The following CENPP variants were observed in gnomAD, a reference collection of about 807,000 sequenced individuals.
CENPP encodes centromere protein P.
In CENPP, 24 loss-of-function variants were observed where a neutral mutation model predicts 35.6. The ratio of observed to expected loss-of-function variants is 0.67; its 90% CI spans 0.49 to 0.95. The LOEUF (loss-of-function observed/expected upper bound fraction) is 0.95. CENPP is among the 40% of genes least tolerant of loss of function. The pLI, the probability that CENPP is intolerant of heterozygous loss-of-function variation, is 0.00. For synonymous variants in CENPP, 120 were observed against 125.5 expected, an observed-to-expected ratio of 0.96 and a Z score of 0.29; for missense variants, 332 against 345.3, an observed-to-expected ratio of 0.96 and a Z score of 0.31.
chr9:92,578,191 G>A (rs1000954000), intron 5 of CENPP, among the ~76,000 whole-genome samples: 2 of 151,928 alleles, frequency 1.3e-5, no homozygotes, highest in African/African-American at 2.4e-5. Context: ...TCTTAATCCA[G>A]TCTATCATTG....
intron 5 of CENPP, chr9:92,459,668 T>G: frequency 6.2e-7 from 1 of 1,613,280 alleles, no homozygotes; most frequent in Non-Finnish European, 8.5e-7. Flanking sequence ...CTGAAGGGAT[T>G]TTTTTTAGTT....
At chr9:92,400,862 C>A (rs1310062592) in intron 5 of CENPP, among the ~76,000 whole-genome samples, 1 of 152,188 alleles carries the variant, frequency 6.6e-6, no homozygotes, top group African/African-American at 2.4e-5. Flanking sequence ...TTTGTGGAGG[C>A]TAAGCTTGCC....
intron 5 of CENPP, among the ~76,000 whole-genome samples, chr9:92,542,398 A>G (rs934776730): frequency 2.0e-5 from 3 of 151,806 alleles, no homozygotes; most frequent in Non-Finnish European, 4.4e-5. Flanking sequence ...ATTTGATGTA[A>G]TCTCATTTGT....
chr9:92,619,714 GC>G lies in CENPP; in HGVS notation c.*6566del. ...GGAGCGAGGGCCACGGTGAGCACGG[GC>G]GTCAGGAGGTCGCCCTGTGAGAGCA... On this transcript the variant is annotated 3_prime_UTR_variant, in exon 8 of 8. Coordinates refer to ENST00000375587, the MANE Select transcript of CENPP (RefSeq NM_001012267.3). The G allele has an allele frequency of 1.4e-6, 1 of 700,196 alleles. No homozygotes were observed. Among genetic ancestry groups the G allele is most frequent in the Non-Finnish European group, 2.5e-6 (1 of 404,410 alleles). The allele number at this position is 700,196 out of a possible 1,614,324, so 43.4% of individuals were successfully genotyped here.
chr9:92,612,740 T>TATCA (rs1477359911), intron 7 of CENPP, 126 bp downstream of exon 7: 1 of 736,620 alleles, frequency 1.4e-6, no homozygotes, highest in Non-Finnish European at 2.3e-6. Flanking sequence ...GTACTTTGTC[T>TATCA]ATCAATTTTT....
chr9:92,445,786 A>T (rs562171035), intron 5 of CENPP, among the ~76,000 whole-genome samples: 1 of 152,022 alleles, frequency 6.6e-6, no homozygotes, highest in African/African-American at 2.4e-5. Flanking sequence ...TGAGAGGCTG[A>T]GCAGGAGAAT....
intron 4 of CENPP, among the ~76,000 whole-genome samples, chr9:92,366,177 C>CAAAAAAAAAAAAAAAAAAAAAAAAAAAA (rs79052877): frequency 1.9e-5 from 1 of 52,070 alleles, no homozygotes; most frequent in African/African-American, 7.2e-5. Context: ...GACTCCGTCT[C>CAAAAAAAAAAAAAAAAAAAAAAAAAAAA]AAAAAAAAAA....
At chr9:92,579,274 G>A (rs1347765013) in intron 5 of CENPP, among the ~76,000 whole-genome samples, 1 of 149,880 alleles carries the variant, frequency 6.7e-6, no homozygotes, top group Non-Finnish European at 1.5e-5. Context: ...GGATTGACTT[G>A]GCGATGAGGG....
intron 5 of CENPP, among the ~76,000 whole-genome samples, chr9:92,439,158 T>C (rs1385964577): frequency 6.6e-6 from 1 of 152,160 alleles, no homozygotes; most frequent in Non-Finnish European, 1.5e-5. Context: ...TTTTATTAGA[T>C]CGTGTGTTAT....
intron 5 of CENPP, chr9:92,514,784 G>A: frequency 6.2e-7 from 1 of 1,613,970 alleles, no homozygotes; most frequent in Non-Finnish European, 8.5e-7. Context: ...GATCGAGAGG[G>A]CATTCGGAAC....
At chr9:92,598,026 C>A (rs533085849) in intron 5 of CENPP, among the ~76,000 whole-genome samples, 1 of 152,314 alleles carries the variant, frequency 6.6e-6, no homozygotes, top group Admixed American at 6.5e-5. Flanking sequence ...TTTTAGGATT[C>A]CCATATCCGT....
chr9:92,390,474 T>C lies in CENPP; in HGVS notation c.564+10615T>C, dbSNP rs1842625943. On this transcript the variant is annotated intron_variant, in intron 5 of 7. Transcript: ENST00000375587. ...TGATTCTGAGTATGTTATCTTAATC[T>C]TAATCTCTCTATGCCTTATCGCTTA... 2.0e-5 allele frequency among the ~76,000 whole-genome samples: 3 copies of C among 152,196 alleles called. No individual in the cohort carries two copies. The South Asian group carries it at 6.2e-4, about 32-fold the overall frequency.
At chr9:92,402,208 C>A (rs1360177345) in intron 5 of CENPP, among the ~76,000 whole-genome samples, 2 of 151,922 alleles carry the variant, frequency 1.3e-5, no homozygotes, top group African/African-American at 4.8e-5. Context: ...TAACTTGAAG[C>A]TATAATTAGT....
In CENPP at chr9:92,375,539, G is replaced by A. The variant is rs541958305; in HGVS notation, c.468-4224G>A. 5.2e-4 allele frequency among the ~76,000 whole-genome samples: 79 copies of A among 151,680 alleles called. 1 individual carries two copies. The Middle Eastern group carries it at 0.014, about 26-fold the overall frequency. ...TCTCAAACTCCTGACCTTGAGATCCGCCCACCTCGGCCTCCCAAAGTGCTG... is the reference window on the plus strand; with the variant it reads ...TCTCAAACTCCTGACCTTGAGATCCACCCACCTCGGCCTCCCAAAGTGCTG... On this transcript the variant is annotated intron_variant, in intron 4 of 7. Coordinates refer to ENST00000375587, the MANE Select transcript of CENPP (RefSeq NM_001012267.3).
At chr9:92,470,798 C>T (rs1564339367) in intron 5 of CENPP, 2 of 1,375,682 alleles carry the variant, frequency 1.5e-6, no homozygotes, top group Non-Finnish European at 2.0e-6. Flanking sequence ...AAGAAACAAA[C>T]ATATTATATA....
At chr9:92,603,596 C>T (rs1468219263) in intron 5 of CENPP, among the ~76,000 whole-genome samples, 1 of 152,126 alleles carries the variant, frequency 6.6e-6, no homozygotes, top group East Asian at 1.9e-4. Flanking sequence ...CTGTGCACTT[C>T]CCCACCTTCC....
At chr9:92,473,037 A>G (rs1322058965) in intron 5 of CENPP, among the ~76,000 whole-genome samples, 1 of 152,192 alleles carries the variant, frequency 6.6e-6, no homozygotes, top group African/African-American at 2.4e-5. Context: ...GTGCAGCAGC[A>G]TGCTGATGGC....
chr9:92,536,713 T>C (rs1270236300), intron 5 of CENPP: 1 of 152,170 alleles, frequency 6.6e-6, no homozygotes, highest in Non-Finnish European at 1.5e-5. Context: ...ATGAGGGACC[T>C]TGAGTAAGTT....
chr9:92,522,630 C>T (rs781366762), intron 5 of CENPP: 3 of 1,613,890 alleles, frequency 1.9e-6, no homozygotes, highest in Admixed American at 3.3e-5. Context: ...AGGATTCAAA[C>T]TTTTCCTCCA....
Sources: allele counts gnomAD v4.1 joint callset (sites outside exome capture counted in the v4.1 genomes callset), GRCh38; gene constraint gnomAD v4.1.1; transcripts MANE v1.5; gene names NCBI Gene and HGNC (gene_info 2026-07-23, HGNC 2026-07-21).